Variants in PARD3 observed in about 807,000 individuals in gnomAD.
PARD3 encodes par-3 family cell polarity regulator.
PARD3 carries 75 observed loss-of-function variants against 155.4 expected under a neutral mutation model. That is an observed-to-expected ratio of 0.48 (90% CI 0.40 to 0.58). The LOEUF (loss-of-function observed/expected upper bound fraction) is 0.58, where lower values mean the gene tolerates loss of function less well. Ranked by LOEUF, PARD3 falls within the 20% of genes least tolerant of loss-of-function variation. PARD3 has a pLI of 0.00. For synonymous variants in PARD3, 576 were observed against 610.5 expected, an observed-to-expected ratio of 0.94 and a Z score of 0.83; for missense variants, 1,642 against 1,721.7, an observed-to-expected ratio of 0.95 and a Z score of 0.82.
In PARD3 at chr10:34,263,851, A is replaced by G. The variant is rs138296428; in HGVS notation, c.3419+5806T>C. Among the ~76,000 whole-genome samples the G allele has an allele frequency of 3.1e-3, 479 of 152,370 alleles. 3 individuals carry two copies. The highest frequency in any genetic ancestry group is 0.011 in the African/African-American group (452 of 41,588). ...TTTGATTGGTAACATTTCTTTAATT[A>G]GATGCATAACAAAATGAAAGGCAGA... On this transcript the variant is annotated intron_variant, in intron 22 of 24. Coordinates refer to ENST00000374788, the MANE Select transcript of PARD3 (RefSeq NM_001184785.2).
chr10:34,154,462 C>T (rs1156605434), intron 22 of PARD3, among the ~76,000 whole-genome samples: 1 of 152,124 alleles, frequency 6.6e-6, no homozygotes. Flanking sequence ...ATGAAGCCTG[C>T]TTGGATCCTG....
intron 4 of PARD3, among the ~76,000 whole-genome samples, chr10:34,451,912 G>C (rs1405808463): frequency 6.6e-6 from 1 of 151,730 alleles, no homozygotes; most frequent in Non-Finnish European, 1.5e-5. Flanking sequence ...CAGAAAAAAG[G>C]AAAGGAAATA....
At position 34,243,672 on chromosome 10, in the gene PARD3, C is replaced by T. The variant is rs185009151; in HGVS notation, c.3419+25985G>A. Among the ~76,000 whole-genome samples, 559 of 152,250 alleles carry T rather than the reference C, an allele frequency of 3.7e-3. 3 individuals are homozygous for T. Among genetic ancestry groups the T allele is most frequent in the African/African-American group, 0.013 (532 of 41,542 alleles). On this transcript the variant is annotated intron_variant, in intron 22 of 24. Transcript: ENST00000374788. ...CTAACATGGTGAAGCCCCGTCTCTA[C>T]AAAAAATACAAAAATTGGCTGGGTG...
At chr10:34,645,001 G>A (rs536825770) in intron 2 of PARD3, among the ~76,000 whole-genome samples, 27 of 152,074 alleles carry the variant, frequency 1.8e-4, no homozygotes, top group Non-Finnish European at 3.1e-4. Context: ...CTACAGGCGA[G>A]TGCCACCACA....
intron 1 of PARD3, among the ~76,000 whole-genome samples, chr10:34,806,105 A>C: frequency 6.6e-6 from 1 of 151,568 alleles, no homozygotes; most frequent in East Asian, 2.0e-4. Flanking sequence ...ATCATAGTTC[A>C]CTGCAATCTC....
At position 34,434,338 on chromosome 10, in the gene PARD3, T is replaced by C. The variant is rs2132576682; in HGVS notation, c.714+15979A>G. 1.3e-5 allele frequency among the ~76,000 whole-genome samples: 2 copies of C among 152,318 alleles called. 1 individual carries two copies. Among genetic ancestry groups the C allele is most frequent in the South Asian group, 4.1e-4 (2 of 4,828 alleles). On this transcript the variant is annotated intron_variant, in intron 5 of 24. Coordinates refer to ENST00000374788, the MANE Select transcript of PARD3 (RefSeq NM_001184785.2). ...CCTCACACTTAGAGTATTTCATGTGTTTTAGCTACTGTCTTAAGAGCTTTC... is the reference window on the plus strand; with the variant it reads ...CCTCACACTTAGAGTATTTCATGTGCTTTAGCTACTGTCTTAAGAGCTTTC...
intron 5 of PARD3, among the ~76,000 whole-genome samples, chr10:34,444,412 T>C (rs79197156): frequency 2.2e-4 from 34 of 152,370 alleles, no homozygotes; most frequent in African/African-American, 7.9e-4. Context: ...AACTATATTC[T>C]ATGCTGAGTC....
At chr10:34,142,512 G>A (rs1948242431) in intron 22 of PARD3, among the ~76,000 whole-genome samples, 1 of 151,602 alleles carries the variant, frequency 6.6e-6, no homozygotes, top group Non-Finnish European at 1.5e-5. Context: ...TCTAGCCTGG[G>A]TGAAAGACCG....
chr10:34,453,288 T>C (rs2077159990), intron 4 of PARD3, among the ~76,000 whole-genome samples: 1 of 152,232 alleles, frequency 6.6e-6, no homozygotes, highest in South Asian at 2.1e-4. Context: ...TCCCTGATTC[T>C]CAATAGAACT....
chr10:34,611,807 C>CTTT (rs397829689), intron 2 of PARD3, among the ~76,000 whole-genome samples: 97 of 109,184 alleles, frequency 8.9e-4, no homozygotes, highest in East Asian at 1.0e-3. Flanking sequence ...ACATTTCTTT[C>CTTT]TTTTTTTTTT....
At chr10:34,565,260 CTTTTTT>C (rs59606413) in intron 2 of PARD3, among the ~76,000 whole-genome samples, 2 of 39,670 alleles carry the variant, frequency 5.0e-5, no homozygotes, top group African/African-American at 2.2e-4. Flanking sequence ...AGGAGCAAGG[CTTTTTT>C]TTTTTTTTTT....
At chr10:34,566,860 A>G (rs2134114563) in intron 2 of PARD3, among the ~76,000 whole-genome samples, 1 of 152,328 alleles carries the variant, frequency 6.6e-6, no homozygotes, top group African/African-American at 2.4e-5. Context: ...AGATAAGAAT[A>G]TATCTTTAAG....
At chr10:34,339,661 A>C (rs983546254) in intron 16 of PARD3, among the ~76,000 whole-genome samples, 1 of 152,226 alleles carries the variant, frequency 6.6e-6, no homozygotes, top group African/African-American at 2.4e-5. Flanking sequence ...ATATTCTATA[A>C]GTAAACAAGT....
At chr10:34,279,197 A>AGG (rs1956044043) in intron 21 of PARD3, among the ~76,000 whole-genome samples, 1 of 125,818 alleles carries the variant, frequency 7.9e-6, no homozygotes, top group South Asian at 2.6e-4. Flanking sequence ...CAAAAGCTGG[A>AGG]GGGCAGTGGC....
chr10:34,814,851 C>G, intron 1 of PARD3, 25 bp downstream of exon 1: 1 of 1,460,034 alleles, frequency 6.8e-7, no homozygotes. Context: ...CCGCCCCCTC[C>G]CCGCCCGCGC....
At chr10:34,147,111 T>C (rs1269336624) in intron 22 of PARD3, among the ~76,000 whole-genome samples, 2 of 152,110 alleles carry the variant, frequency 1.3e-5, no homozygotes, top group Non-Finnish European at 2.9e-5. Context: ...AAAAAAACTT[T>C]TGAGATTTTC....
chr10:34,748,414 T>C (rs1051902397), intron 1 of PARD3, among the ~76,000 whole-genome samples: 1 of 152,060 alleles, frequency 6.6e-6, no homozygotes, highest in African/African-American at 2.4e-5. Context: ...AGGTTGCAGG[T>C]TGCAGTGAGC....
chr10:34,551,751 G>A (rs2084590458), intron 2 of PARD3, among the ~76,000 whole-genome samples: 1 of 152,184 alleles, frequency 6.6e-6, no homozygotes, highest in Non-Finnish European at 1.5e-5. Flanking sequence ...GGGTGGCCAT[G>A]GGGAAGGAGA....
chr10:34,648,523 C>T (rs916373920), intron 2 of PARD3, among the ~76,000 whole-genome samples: 2 of 152,146 alleles, frequency 1.3e-5, no homozygotes, highest in African/African-American at 4.8e-5. Context: ...AGGATGGTTT[C>T]AGGATGAAAC....
Sources: allele counts gnomAD v4.1 joint callset (sites outside exome capture counted in the v4.1 genomes callset), GRCh38; gene constraint gnomAD v4.1.1; transcripts MANE v1.5; gene names NCBI Gene and HGNC (gene_info 2026-07-23, HGNC 2026-07-21).